Variants in WDR31 observed in about 807,000 individuals in gnomAD.
The protein encoded by WDR31 is WD repeat domain 31, also known as WD repeat-containing protein 31.
WDR31 carries 30 observed loss-of-function variants against 47.3 expected under a neutral mutation model. The ratio of observed to expected loss-of-function variants is 0.63; its 90% confidence interval spans 0.47 to 0.86. WDR31 has a LOEUF of 0.86. Ranked by LOEUF, WDR31 falls within the 40% of genes least tolerant of loss-of-function variation. The pLI is 0.00. For missense variants in WDR31, 406 were observed against 442.9 expected (o/e 0.92, Z 0.75); for synonymous variants, 137 against 159.4 (o/e 0.86, Z 1.06).
chr9:113,320,266 C>A, intron 9 of WDR31, 91 bp downstream of exon 9: 1 of 1,507,594 alleles, frequency 6.6e-7, no homozygotes, highest in Non-Finnish European at 8.9e-7. Context: ...ATTAGCAAAG[C>A]CCGCCTGTGT....
intron 1 of WDR31, among the ~76,000 whole-genome samples, chr9:113,338,564 T>C (rs1332691196): frequency 6.6e-6 from 1 of 152,132 alleles, no homozygotes; most frequent in Non-Finnish European, 1.5e-5. Flanking sequence ...AATAAATACC[T>C]GTTGAATGAG....
Position 113,323,019 on chromosome 9 carries a change from A to G in WDR31, c.461T>C (p.Val154Ala), listed in dbSNP as rs750883331. Residue 154 changes from valine to alanine, a missense_variant, in exon 6 of 11, where the codon GTG (valine) becomes GCG (alanine). Transcript: ENST00000374193. ...GHAMVVTGLA[V>A]SPDSSQLCTG... ...GGTCCGCTTTGTTTTACCTGGACTC[A>G]CAGCCAATCCGGTGACCACCATGGC... The G allele has an allele frequency of 1.9e-6, 3 of 1,614,154 alleles. No individual in the cohort carries two copies. The highest frequency in any genetic ancestry group is 2.5e-6 in the Non-Finnish European group (3 of 1,179,994).
intron 2 of WDR31, among the ~76,000 whole-genome samples, chr9:113,332,430 T>C (rs1362684687): frequency 6.6e-6 from 1 of 152,210 alleles, no homozygotes; most frequent in Non-Finnish European, 1.5e-5. Context: ...AAACATCATG[T>C]GGTCAATCCA....
rs183339395 is a variant in WDR31 at position 113,332,597 on chromosome 9, A to G, written c.-28-547T>C. Among the ~76,000 whole-genome samples the G allele has an allele frequency of 4.6e-5, 7 of 152,362 alleles. No individual in the cohort carries two copies. In the East Asian group the frequency reaches 1.3e-3, roughly 29 times the overall value. Reference sequence around the variant, plus strand: ...TATGCGAAATATCCATAGTTGGCAAATCTATAGAGACAAAAAGCAGATTAG... The same window carrying G: ...TATGCGAAATATCCATAGTTGGCAAGTCTATAGAGACAAAAAGCAGATTAG... On this transcript the variant is annotated intron_variant, in intron 2 of 10. Coordinates refer to ENST00000374193, the MANE Select transcript of WDR31 (RefSeq NM_001012361.4).
At chr9:113,318,977 C>T (rs957616813) in intron 9 of WDR31, among the ~76,000 whole-genome samples, 2 of 152,252 alleles carry the variant, frequency 1.3e-5, no homozygotes, top group African/African-American at 4.8e-5. Flanking sequence ...GAGCCCCAAA[C>T]AACAGTATGG....
intron 2 of WDR31, among the ~76,000 whole-genome samples, chr9:113,332,331 A>C (rs1833616729): frequency 6.6e-6 from 1 of 152,256 alleles, no homozygotes; most frequent in Non-Finnish European, 1.5e-5. Context: ...TGTTCAAACA[A>C]AAATTTGTGC....
In WDR31 at chr9:113,329,879, G is replaced by C. The variant is rs192364854; in HGVS notation, c.250-924C>G. On this transcript the variant is annotated intron_variant, in intron 4 of 10. Coordinates refer to ENST00000374193, the MANE Select transcript of WDR31 (RefSeq NM_001012361.4). Reference sequence around the variant, plus strand: ...GCCTGTAATCCCAGCTACTTGGGAAGCTGAGGCTGGAGAATCGCTTGAACC... The same window carrying C: ...GCCTGTAATCCCAGCTACTTGGGAACCTGAGGCTGGAGAATCGCTTGAACC... 9.1e-3 allele frequency among the ~76,000 whole-genome samples: 1,389 copies of C among 152,124 alleles called. 21 individuals are homozygous for C. Among genetic ancestry groups the C allele is most frequent in the African/African-American group, 0.031 (1,288 of 41,502 alleles).
At chr9:113,327,376 G>A (rs934300089) in intron 5 of WDR31, among the ~76,000 whole-genome samples, 3 of 151,592 alleles carry the variant, frequency 2.0e-5, no homozygotes, top group African/African-American at 7.3e-5. Flanking sequence ...CCAATTTTTG[G>A]CAGTAAATCC....
intron 4 of WDR31, 93 bp from the exon 5 acceptor site, chr9:113,329,048 A>G: frequency 8.5e-7 from 1 of 1,176,100 alleles, no homozygotes; most frequent in Admixed American, 1.7e-5. Flanking sequence ...CTCCCTCCTC[A>G]CTCACTCCCT....
At chr9:113,321,416 A>G in intron 8 of WDR31, 95 bp downstream of exon 8, 1 of 1,268,748 alleles carries the variant, frequency 7.9e-7, no homozygotes, top group South Asian at 1.3e-5. Context: ...GGAAGGGCAG[A>G]GCAATGTGGA....
intron 4 of WDR31, 134 bp downstream of exon 4, chr9:113,330,850 T>C (rs1468959556): frequency 2.0e-6 from 2 of 1,009,484 alleles, no homozygotes; most frequent in East Asian, 5.3e-5. Flanking sequence ...TTAAATCCAG[T>C]CTTTCTAACT....
chr9:113,334,233 C>T (rs1249708610), intron 2 of WDR31, among the ~76,000 whole-genome samples: 1 of 152,080 alleles, frequency 6.6e-6, no homozygotes, highest in Non-Finnish European at 1.5e-5. Context: ...AATCCACGTG[C>T]CTTGGCCTCC....
At chr9:113,327,419 GCACA>G (rs35798479) in intron 5 of WDR31, among the ~76,000 whole-genome samples, 1,529 of 148,926 alleles carry the variant, frequency 0.01, 21 homozygotes, top group African/African-American at 0.033. Flanking sequence ...AGTGTTACAT[GCACA>G]CACACACACA....
chr9:113,329,236 G>C (rs952391292), intron 4 of WDR31, among the ~76,000 whole-genome samples: 5 of 152,198 alleles, frequency 3.3e-5, no homozygotes, highest in African/African-American at 1.2e-4. Context: ...AAGGAGAACT[G>C]ATTCCCCTGG....
At chr9:113,324,832 G>A (rs1199925030) in intron 5 of WDR31, among the ~76,000 whole-genome samples, 469 of 33,930 alleles carry the variant, frequency 0.014, 3 homozygotes, top group South Asian at 0.041. Context: ...ATATATATGT[G>A]TGTGTGTGTG....
chr9:113,339,718 C>T (rs1026291077), intron 1 of WDR31, among the ~76,000 whole-genome samples: 5 of 152,094 alleles, frequency 3.3e-5, no homozygotes, highest in African/African-American at 1.2e-4. Flanking sequence ...ATATGAACAA[C>T]TAAAGCTTAA....
intron 5 of WDR31, among the ~76,000 whole-genome samples, chr9:113,324,966 G>A (rs1485613314): frequency 6.6e-6 from 1 of 151,702 alleles, no homozygotes; most frequent in African/African-American, 2.4e-5. Flanking sequence ...TATTTATTGA[G>A]ACACAGTCTC....
At position 113,316,893 on chromosome 9, in the gene WDR31, C is replaced by T; in HGVS notation, c.960G>A (p.Leu320=). The part of the protein sequence containing the change: ...NQDTGACLFT[L]SLDGSGPLTS... ...TCAAGGGTCCTGATCCATCCAGAGA[C>T]AAGGTGAAAAGGCAGGCTGGGGGGG... is the stretch of plus-strand genomic sequence containing the variant. The change falls in exon 11 of 11, where the codon TTG becomes TTA. Residue 320 remains leucine (L), a synonymous_variant. Coordinates refer to ENST00000374193, the MANE Select transcript of WDR31 (RefSeq NM_001012361.4). 3 of 1,613,686 alleles carry T rather than the reference C, an allele frequency of 1.9e-6. No individual in the cohort carries two copies. The highest frequency in any genetic ancestry group is 1.7e-6 in the Non-Finnish European group (2 of 1,179,824).
At chr9:113,318,427 T>G (rs755567903) in intron 10 of WDR31, 48 bp downstream of exon 10, 33 of 1,610,870 alleles carry the variant, frequency 2.0e-5, no homozygotes, top group Admixed American at 6.7e-5. Context: ...AAAGAAGGTT[T>G]TAGGACTTCA....
Sources: gnomAD v4.1 joint callset for allele counts (sites outside exome capture counted in the v4.1 genomes callset) on GRCh38, gnomAD v4.1.1 for gene constraint, MANE v1.5 for transcripts, NCBI Gene and HGNC (gene_info 2026-07-23, HGNC 2026-07-21) for gene names.